SCAPER: variants seen among roughly 807,000 people sequenced by gnomAD.
SCAPER encodes S phase cyclin A-associated protein in the endoplasmic reticulum.
Under a neutral mutation model 182.2 loss-of-function variants are expected in SCAPER, and 98 were observed. The observed-to-expected ratio is 0.54, with a 90% CI of 0.46 to 0.64. The LOEUF is 0.64. Among genes scored for constraint, SCAPER ranks in the 30% least tolerant of loss-of-function variants. The pLI is 0.00. For missense variants in SCAPER, 1,432 were observed against 1,690.0 expected, an observed-to-expected ratio of 0.85 and a Z score of 2.68; for synonymous variants, 605 against 564.6, an observed-to-expected ratio of 1.07 and a Z score of -1.01.
At chr15:76,816,387 A>C (rs2067081698) in intron 5 of SCAPER, among the ~76,000 whole-genome samples, 1 of 152,164 alleles carries the variant, frequency 6.6e-6, no homozygotes, top group Non-Finnish European at 1.5e-5. Context: ...CTTTTGTTAA[A>C]AATGAAGACA....
At chr15:76,787,802 G>A (rs2064720565) in intron 8 of SCAPER, among the ~76,000 whole-genome samples, 1 of 152,046 alleles carries the variant, frequency 6.6e-6, no homozygotes, top group Admixed American at 6.6e-5. Flanking sequence ...TCTATGGGTA[G>A]ACAATGAATT....
At chr15:76,564,414 T>C (rs2046873967) in intron 23 of SCAPER, among the ~76,000 whole-genome samples, 2 of 152,016 alleles carry the variant, frequency 1.3e-5, no homozygotes, top group Non-Finnish European at 2.9e-5. Context: ...CCATTCCATA[T>C]TGCCACAAAA....
At chr15:76,400,004 CAAAAAAAAAAA>C in intron 27 of SCAPER, among the ~76,000 whole-genome samples, 1 of 114,722 alleles carries the variant, frequency 8.7e-6, no homozygotes, top group South Asian at 3.1e-4. Flanking sequence ...GACTCCGTCT[CAAAAAAAAAAA>C]AAAAAAGAGA....
chr15:76,709,328 G>A (rs1010829336), intron 17 of SCAPER, among the ~76,000 whole-genome samples: 2 of 152,026 alleles, frequency 1.3e-5, no homozygotes, highest in Non-Finnish European at 2.9e-5. Flanking sequence ...TAGAGATGGG[G>A]TTTCACCATG....
At chr15:76,364,082 T>A (rs2041641333) in intron 29 of SCAPER, among the ~76,000 whole-genome samples, 1 of 152,218 alleles carries the variant, frequency 6.6e-6, no homozygotes, top group African/African-American at 2.4e-5. Flanking sequence ...TTTATTTTAA[T>A]ATCACAGGAG....
chr15:76,605,564 T>G (rs1453808181), intron 22 of SCAPER, among the ~76,000 whole-genome samples: 1 of 152,244 alleles, frequency 6.6e-6, no homozygotes, highest in Non-Finnish European at 1.5e-5. Context: ...GATTCCCTCT[T>G]TTTCTATTGA....
At chr15:76,636,092 T>C (rs776065749) in intron 21 of SCAPER, among the ~76,000 whole-genome samples, 2 of 152,224 alleles carry the variant, frequency 1.3e-5, no homozygotes, top group East Asian at 3.8e-4. Flanking sequence ...GCAGGTCTAC[T>C]AGTGACAAAC....
intron 22 of SCAPER, 64 bp downstream of exon 22, chr15:76,621,700 T>G: frequency 1.9e-4 from 241 of 1,260,538 alleles, no homozygotes; most frequent in Non-Finnish European, 2.5e-4. Flanking sequence ...ACATGATGGT[T>G]GAGATACACT....
intron 18 of SCAPER, among the ~76,000 whole-genome samples, chr15:76,704,266 G>A (rs2059124095): frequency 6.6e-6 from 1 of 152,120 alleles, no homozygotes; most frequent in South Asian, 2.1e-4. Context: ...CTCCCATTTT[G>A]TAGGTTGCCT....
At chr15:76,482,234 T>C (rs2051204230) in intron 24 of SCAPER, among the ~76,000 whole-genome samples, 2 of 152,348 alleles carry the variant, frequency 1.3e-5, no homozygotes, top group South Asian at 4.1e-4. Context: ...TCCCTTCATA[T>C]ATTTGATTGC....
Position 76,693,858 on chromosome 15 carries a change from A to G in SCAPER, c.2508+7900T>C, listed in dbSNP as rs115840720. Among the ~76,000 whole-genome samples the G allele has an allele frequency of 8.2e-3, 1,240 of 151,086 alleles. 13 individuals carry two copies. Among genetic ancestry groups the G allele is most frequent in the African/African-American group, 0.028 (1,176 of 41,456 alleles). ...AGGGAATGGAAAGTTAATGTTTAAT[A>G]GGCACAGAGTTTCAGATGTTCAAGA... On this transcript the variant is annotated intron_variant, in intron 20 of 31. Transcript: ENST00000563290.
intron 15 of SCAPER, among the ~76,000 whole-genome samples, chr15:76,735,323 T>C (rs1199338285): frequency 6.6e-6 from 1 of 151,860 alleles, no homozygotes; most frequent in Non-Finnish European, 1.5e-5. Context: ...CAGTGAGCCA[T>C]GATCGCGCCA....
chr15:76,394,968 C>T (rs936782321), intron 27 of SCAPER, among the ~76,000 whole-genome samples: 4 of 151,548 alleles, frequency 2.6e-5, no homozygotes, highest in African/African-American at 9.7e-5. Flanking sequence ...TTTTTTGTAC[C>T]CATTAACCAT....
intron 1 of SCAPER, among the ~76,000 whole-genome samples, chr15:76,894,721 T>C (rs974676927): frequency 6.6e-6 from 1 of 152,036 alleles, no homozygotes; most frequent in South Asian, 2.1e-4. Flanking sequence ...ACTGATATTA[T>C]AGAAATAAAG....
chr15:76,492,671 A>C (rs943998498), intron 24 of SCAPER, among the ~76,000 whole-genome samples: 14 of 152,182 alleles, frequency 9.2e-5, no homozygotes, highest in African/African-American at 2.9e-4. Flanking sequence ...TAGATGAATA[A>C]GTCTTGGTTA....
At chr15:76,549,504 A>T (rs1291557970) in intron 23 of SCAPER, among the ~76,000 whole-genome samples, 1 of 152,102 alleles carries the variant, frequency 6.6e-6, no homozygotes, top group Non-Finnish European at 1.5e-5. Context: ...AAGACAAAAA[A>T]CCAAACACTG....
At chr15:76,865,447 G>A (rs1464265842) in intron 2 of SCAPER, among the ~76,000 whole-genome samples, 4 of 151,952 alleles carry the variant, frequency 2.6e-5, no homozygotes, top group Admixed American at 6.6e-5. Context: ...GACTGAAAAC[G>A]GTTCAAAACA....
At chr15:76,728,216 CAAAA>C (rs746287649) in intron 17 of SCAPER, among the ~76,000 whole-genome samples, 2 of 115,070 alleles carry the variant, frequency 1.7e-5, no homozygotes, top group Non-Finnish European at 1.9e-5. Flanking sequence ...CTATTTCCAT[CAAAA>C]AAAAAAAAAA....
At chr15:76,721,020 T>C (rs2060206336) in intron 17 of SCAPER, among the ~76,000 whole-genome samples, 1 of 152,200 alleles carries the variant, frequency 6.6e-6, no homozygotes, top group Non-Finnish European at 1.5e-5. Flanking sequence ...TCCTGAATGG[T>C]AATGCCTAGG....
Sources: gnomAD v4.1 joint callset for allele counts (sites outside exome capture counted in the v4.1 genomes callset) on GRCh38, gnomAD v4.1.1 for gene constraint, MANE v1.5 for transcripts, NCBI Gene and HGNC (gene_info 2026-07-23, HGNC 2026-07-21) for gene names.